Variants in SLC30A8 observed in about 807,000 individuals in gnomAD.
The protein encoded by SLC30A8 is solute carrier family 30 member 8.
A neutral mutation model predicts 36.9 loss-of-function variants in SLC30A8; 27 were observed. The ratio of observed to expected loss-of-function variants is 0.73; its 90% CI spans 0.54 to 1.01. SLC30A8 has a LOEUF of 1.01. Ranked by LOEUF, SLC30A8 falls within the 50% of genes least tolerant of loss-of-function variation. The pLI, the probability that SLC30A8 is intolerant of heterozygous loss-of-function variation, is 0.00. For synonymous variants in SLC30A8, 164 were observed against 172.4 expected, an observed-to-expected ratio of 0.95 and a Z score of 0.38; for missense variants, 439 against 452.0, an observed-to-expected ratio of 0.97 and a Z score of 0.26.
At chr8:117,097,352 G>A (rs1389150130) in intron 2 of SLC30A8, among the ~76,000 whole-genome samples, 2 of 120,138 alleles carry the variant, frequency 1.7e-5, no homozygotes, top group African/African-American at 6.7e-5. Flanking sequence ...AGCCGAGATC[G>A]CGCCACTGCA....
intron 1 of SLC30A8, among the ~76,000 whole-genome samples, chr8:117,003,520 G>A (rs1246452506): frequency 6.6e-6 from 1 of 152,174 alleles, no homozygotes; most frequent in Non-Finnish European, 1.5e-5. Flanking sequence ...GAAAAGCAGA[G>A]CGGCAGAGCT....
At chr8:117,163,329 AG>A in intron 5 of SLC30A8, 95 bp from the exon 6 acceptor site, 1 of 917,302 alleles carries the variant, frequency 1.1e-6, no homozygotes, top group Admixed American at 2.3e-5. Flanking sequence ...GTGACAGAGA[AG>A]GAAAGACACA....
chr8:117,163,890 T>C (rs957851869), intron 6 of SLC30A8: 1 of 167,234 alleles, frequency 6.0e-6, no homozygotes, highest in Admixed American at 6.2e-5. Context: ...TTTATCAAAT[T>C]GTATCTCAGA....
At chr8:116,976,234 TTCTC>T (rs375121122) in intron 1 of SLC30A8, among the ~76,000 whole-genome samples, 2 of 148,678 alleles carry the variant, frequency 1.3e-5, no homozygotes, top group African/African-American at 2.5e-5. Flanking sequence ...AGCTGGTAAG[TTCTC>T]TCTCTTTTTT....
At chr8:117,135,486 T>G in intron 1 of SLC30A8, 88 bp downstream of exon 1, 12 of 972,502 alleles carry the variant, frequency 1.2e-5, no homozygotes, top group Non-Finnish European at 1.8e-5. Flanking sequence ...TGTAGGCCTT[T>G]ACTCTGCAAC....
In SLC30A8 at chr8:117,157,696, C is replaced by A. The variant is rs775987808; in HGVS notation, c.424C>A (p.Leu142Ile). 1.2e-6 allele frequency: 2 copies of A among 1,613,828 alleles called. No homozygotes were observed. The highest frequency in any genetic ancestry group is 4.5e-5 in the East Asian group (2 of 44,866). ...GTGTGTGTTTGAATTCCTAGAGATCCTTGGTGCCCTGCTCTCCATCCTGTG... is the reference window on the plus strand; with the variant it reads ...GTGTGTGTTTGAATTCCTAGAGATCATTGGTGCCCTGCTCTCCATCCTGTG... Reference protein sequence around the residue: ...LTFGWHRAEILGALLSILCIW... With the variant: ...LTFGWHRAEIIGALLSILCIW... The change falls in exon 4 of 8, where the codon CTT becomes ATT. Residue 142 changes from leucine (L) to isoleucine (I), a missense_variant. Transcript: ENST00000456015.
rs562204199 is a variant in SLC30A8, at chr8:117,089,949, C to T, written c.-225-45331C>T. ...ACTTGGGATTTTACACGTGTTCTTT[C>T]TTCCTGAAACAATCTTGATAATTCC... On this transcript the variant is annotated intron_variant, in intron 2 of 10. Coordinates refer to the SLC30A8 transcript ENST00000427715. Among the ~76,000 whole-genome samples, 249 of 152,114 alleles carry T rather than the reference C, an allele frequency of 1.6e-3. 2 individuals are homozygous for T. The highest frequency in any genetic ancestry group is 5.9e-3 in the African/African-American group (243 of 41,488).
intron 1 of SLC30A8, among the ~76,000 whole-genome samples, chr8:116,985,293 TACACACACAC>T (rs71305454): frequency 0.011 from 1,552 of 140,318 alleles, 32 homozygotes; most frequent in African/African-American, 0.037. Flanking sequence ...CTCACACACA[TACACACACAC>T]ACACACACAC....
chr8:116,998,851 GGAGTATGGCCTTGCT>G (rs1457064145), intron 1 of SLC30A8, among the ~76,000 whole-genome samples: 1 of 152,182 alleles, frequency 6.6e-6, no homozygotes, highest in Non-Finnish European at 1.5e-5. Context: ...ACCTTCGGAG[GGAGTATGGCCTTGCT>G]GACACCTTGA....
chr8:117,021,984 A>G (rs560742218), intron 1 of SLC30A8, among the ~76,000 whole-genome samples: 2 of 152,078 alleles, frequency 1.3e-5, no homozygotes, highest in East Asian at 1.9e-4. Context: ...TTGATACTAG[A>G]TAAATTGTTG....
At chr8:117,119,016 A>G (rs1286803155) in intron 2 of SLC30A8, among the ~76,000 whole-genome samples, 1 of 151,912 alleles carries the variant, frequency 6.6e-6, no homozygotes, top group Non-Finnish European at 1.5e-5. Context: ...GTAGAAGTCA[A>G]CTAAGTTAGC....
At position 117,159,340 on chromosome 8, in the gene SLC30A8, C is replaced by A. The variant is rs114610192; in HGVS notation, c.572+1496C>A. 2.0e-5 allele frequency among the ~76,000 whole-genome samples: 3 copies of A among 152,222 alleles called. No individual in the cohort carries two copies. The East Asian group carries it at 5.8e-4, about 29-fold the overall frequency. ...ACATGAAGGTAGAGAAGACAGTGAT[C>A]GAAAAATGAAGTTTTAAACAGTGGA... is the stretch of plus-strand genomic sequence containing the variant. On this transcript the variant is annotated intron_variant, in intron 4 of 7. Coordinates refer to ENST00000456015, the MANE Select transcript of SLC30A8 (RefSeq NM_173851.3).
At chr8:117,167,127 G>A (rs1156684978) in intron 6 of SLC30A8, among the ~76,000 whole-genome samples, 1 of 152,032 alleles carries the variant, frequency 6.6e-6, no homozygotes, top group African/African-American at 2.4e-5. Context: ...AGACAAGTTG[G>A]TGTACAATTT....
intron 1 of SLC30A8, among the ~76,000 whole-genome samples, chr8:117,137,469 T>C (rs559742638): frequency 3.3e-5 from 5 of 152,140 alleles, no homozygotes; most frequent in South Asian, 2.1e-4. Context: ...CCCCAAGATG[T>C]AGTGGCTTAA....
chr8:117,138,075 AAAAAAG>A (rs1563620483), intron 1 of SLC30A8, among the ~76,000 whole-genome samples: 49 of 148,126 alleles, frequency 3.3e-4, no homozygotes, highest in South Asian at 1.1e-3. Context: ...AAAAAAAAAA[AAAAAAG>A]AAAAAGAAAA....
At chr8:117,169,064 A>G (rs979933833) in intron 6 of SLC30A8, among the ~76,000 whole-genome samples, 6 of 152,108 alleles carry the variant, frequency 3.9e-5, no homozygotes, top group African/African-American at 9.7e-5. Context: ...TATTATGACA[A>G]TTTTACCCAT....
intron 2 of SLC30A8, among the ~76,000 whole-genome samples, chr8:117,082,014 A>C (rs1313234967): frequency 6.6e-6 from 1 of 152,208 alleles, no homozygotes; most frequent in African/African-American, 2.4e-5. Context: ...GAAGTCATTT[A>C]GTTGTCATTA....
At position 116,988,333 on chromosome 8, in the gene SLC30A8, G is replaced by A. The variant is rs1201785720; in HGVS notation, c.-266+37214G>A. 3.3e-5 allele frequency among the ~76,000 whole-genome samples: 5 copies of A among 152,268 alleles called. No individual in the cohort carries two copies. The East Asian group carries it at 5.8e-4, about 18-fold the overall frequency. On this transcript the variant is annotated intron_variant, in intron 1 of 10. Coordinates refer to the SLC30A8 transcript ENST00000427715. Reference sequence around the variant, plus strand: ...GCGTACTGCATAGTCAACTGATACCGTTAAGTACCGTGAAGCTCAGGCCTT... The same window carrying A: ...GCGTACTGCATAGTCAACTGATACCATTAAGTACCGTGAAGCTCAGGCCTT...
intron 2 of SLC30A8, among the ~76,000 whole-genome samples, chr8:117,098,688 G>T (rs1410264881): frequency 6.6e-6 from 1 of 152,136 alleles, no homozygotes; most frequent in Non-Finnish European, 1.5e-5. Flanking sequence ...TTGGGATGGG[G>T]CACAAAGAAA....
Sources: gnomAD v4.1 joint callset for allele counts (sites outside exome capture counted in the v4.1 genomes callset) on GRCh38, gnomAD v4.1.1 for gene constraint, MANE v1.5 for transcripts, NCBI Gene and HGNC (gene_info 2026-07-23, HGNC 2026-07-21) for gene names.